Variants in DCLK1 observed in about 807,000 individuals in gnomAD.
DCLK1 encodes doublecortin like kinase 1.
DCLK1 carries 16 observed loss-of-function variants against 86.2 expected under a neutral mutation model. That is an observed-to-expected ratio of 0.19 (90% CI 0.13 to 0.28). DCLK1 has a LOEUF of 0.28. Ranked by LOEUF, DCLK1 falls within the 10% of genes least tolerant of loss-of-function variation. DCLK1 has a pLI of 1.00. For synonymous variants in DCLK1, 369 were observed against 370.5 expected, an observed-to-expected ratio of 1.00 and a Z score of 0.05; for missense variants, 590 against 940.2, an observed-to-expected ratio of 0.63 and a Z score of 4.87.
intron 3 of DCLK1, among the ~76,000 whole-genome samples, chr13:36,095,975 A>G (rs1462486594): frequency 2.0e-5 from 3 of 152,228 alleles, no homozygotes; most frequent in Non-Finnish European, 4.4e-5. Context: ...TCACTATTTT[A>G]TTTAATTTCA....
Position 35,768,768 on chromosome 13 carries a change from A to G in DCLK1, c.*5767T>C, listed in dbSNP as rs978152094. 1 of 152,240 alleles carries G rather than the reference A, an allele frequency of 6.6e-6. No individual in the cohort carries two copies. The highest frequency in any genetic ancestry group is 2.4e-5 in the African/African-American group (1 of 41,468). The allele number at this position is 152,240 out of a possible 1,614,324, so 9.4% of individuals were successfully genotyped here. A position where few individuals can be genotyped will look rare whatever the true frequency, so the allele number is the denominator to read the frequency against. ...TTTGAATTATGCTCATGAAATACAC[A>G]CTGTGCTATGGAGGACATGTGGGAA... is the stretch of plus-strand genomic sequence containing the variant. On this transcript the variant is annotated 3_prime_UTR_variant, in exon 17 of 17. Coordinates refer to ENST00000360631, the MANE Select transcript of DCLK1 (RefSeq NM_001330071.2).
intron 3 of DCLK1, among the ~76,000 whole-genome samples, chr13:36,108,591 G>C (rs147845226): frequency 6.6e-5 from 10 of 152,270 alleles, no homozygotes; most frequent in East Asian, 3.9e-4. Flanking sequence ...CAAAATCCCA[G>C]CGTCAACAGT....
chr13:35,941,100 C>G (rs1266251862), intron 4 of DCLK1, among the ~76,000 whole-genome samples: 4 of 152,138 alleles, frequency 2.6e-5, no homozygotes, highest in African/African-American at 9.7e-5. Context: ...GGACATAGAG[C>G]CTGGATGAGA....
intron 15 of DCLK1, among the ~76,000 whole-genome samples, chr13:35,795,936 A>AC (rs2153100039): frequency 6.6e-6 from 1 of 151,792 alleles, no homozygotes; most frequent in East Asian, 1.9e-4. Flanking sequence ...AAAAAAAAAA[A>AC]AAAAAAAACC....
intron 3 of DCLK1, among the ~76,000 whole-genome samples, chr13:35,948,177 T>C (rs754621240): frequency 6.6e-5 from 10 of 152,256 alleles, no homozygotes; most frequent in Non-Finnish European, 1.5e-4. Flanking sequence ...TGCAAGTAAA[T>C]GTGATCAAAA....
At chr13:36,053,289 C>T (rs1297951759) in intron 3 of DCLK1, among the ~76,000 whole-genome samples, 3 of 152,176 alleles carry the variant, frequency 2.0e-5, no homozygotes, top group East Asian at 1.9e-4. Flanking sequence ...CACAGTCTAG[C>T]GAGCGGGGCA....
chr13:35,820,815 T>G (rs1370154178), intron 11 of DCLK1, among the ~76,000 whole-genome samples: 1 of 152,220 alleles, frequency 6.6e-6, no homozygotes, highest in Admixed American at 6.5e-5. Flanking sequence ...GAATTTAAGG[T>G]GCAATTAAGT....
At chr13:35,882,911 T>C (rs1438800540) in intron 4 of DCLK1, among the ~76,000 whole-genome samples, 3 of 151,950 alleles carry the variant, frequency 2.0e-5, no homozygotes, top group Non-Finnish European at 4.4e-5. Context: ...AAGAGCTGAG[T>C]TTATAAGAAC....
Position 35,769,020 on chromosome 13 carries a change from CAT to C in DCLK1, c.*5513_*5514del, listed in dbSNP as rs1463680410. ...ACTATTATTTTATTAACTTTAAGAACATGTTTTACATAAAAACAGGCAACATC... is the reference window on the plus strand; with the variant it reads ...ACTATTATTTTATTAACTTTAAGAACGTTTTACATAAAAACAGGCAACATC... On this transcript the variant is annotated 3_prime_UTR_variant, in exon 17 of 17. Transcript: ENST00000360631. The C allele has an allele frequency of 1.3e-5, 2 of 152,144 alleles. No homozygotes were observed. Among genetic ancestry groups the C allele is most frequent in the African/African-American group, 2.4e-5 (1 of 41,426 alleles). 9.4% of individuals were successfully genotyped at this position (152,144 alleles called of 1,614,324 possible).
intron 4 of DCLK1, among the ~76,000 whole-genome samples, chr13:35,893,212 G>A (rs896995112): frequency 6.6e-6 from 1 of 152,178 alleles, no homozygotes; most frequent in Admixed American, 6.5e-5. Context: ...CAGCAGAGGT[G>A]AAGGGGCAAG....
intron 11 of DCLK1, among the ~76,000 whole-genome samples, chr13:35,821,868 G>T (rs2087402223): frequency 6.6e-6 from 1 of 151,782 alleles, no homozygotes; most frequent in South Asian, 2.1e-4. Context: ...TTGCTTTTGT[G>T]GAGATCTCTC....
intron 3 of DCLK1, among the ~76,000 whole-genome samples, chr13:35,957,005 AG>A (rs1878024344): frequency 1.4e-5 from 2 of 145,486 alleles, no homozygotes; most frequent in Non-Finnish European, 3.0e-5. Context: ...TTCTTGTATC[AG>A]TTTATTGTAT....
chr13:35,822,339 G>T (rs75934833), intron 11 of DCLK1, among the ~76,000 whole-genome samples: 41,592 of 151,462 alleles, frequency 0.27, 6,073 homozygotes, highest in African/African-American at 0.38. Flanking sequence ...AATTTTTTTT[G>T]TGTAGAGATG....
chr13:35,822,526 C>T (rs183840621), intron 11 of DCLK1, among the ~76,000 whole-genome samples: 29 of 152,178 alleles, frequency 1.9e-4, no homozygotes, highest in Admixed American at 7.2e-4. Context: ...TTTTTGTTTG[C>T]TAATAAATCA....
intron 3 of DCLK1, among the ~76,000 whole-genome samples, chr13:36,069,241 G>A (rs927360624): frequency 1.4e-5 from 2 of 147,152 alleles, no homozygotes; most frequent in Non-Finnish European, 3.0e-5. Context: ...TATTAAACTA[G>A]AGAAAAAGGT....
intron 11 of DCLK1, among the ~76,000 whole-genome samples, chr13:35,815,021 T>C (rs2087237466): frequency 6.6e-6 from 1 of 152,132 alleles, no homozygotes. Context: ...ATGAAAAAGG[T>C]TCCAATTAAA....
At chr13:35,892,384 C>T (rs77540166) in intron 4 of DCLK1, among the ~76,000 whole-genome samples, 4,830 of 152,246 alleles carry the variant, frequency 0.032, 250 homozygotes, top group African/African-American at 0.11. Context: ...AGGTAAGTCG[C>T]CTTTCTCTTT....
At chr13:36,034,157 T>G (rs1240323365) in intron 3 of DCLK1, among the ~76,000 whole-genome samples, 1 of 152,130 alleles carries the variant, frequency 6.6e-6, no homozygotes, top group Non-Finnish European at 1.5e-5. Context: ...TATAAAAAAT[T>G]TTAAACAAAT....
chr13:35,830,574 G>A (rs1868873295), intron 8 of DCLK1, among the ~76,000 whole-genome samples: 1 of 152,152 alleles, frequency 6.6e-6, no homozygotes, highest in Non-Finnish European at 1.5e-5. Flanking sequence ...AAAAGCTCAA[G>A]TGTTTCTGGA....
Sources: allele counts gnomAD v4.1 joint callset (sites outside exome capture counted in the v4.1 genomes callset), GRCh38; gene constraint gnomAD v4.1.1; transcripts MANE v1.5; gene names NCBI Gene and HGNC (gene_info 2026-07-23, HGNC 2026-07-21).